NDST3: variants seen among roughly 807,000 people sequenced by gnomAD.
The protein encoded by NDST3 is N-deacetylase and N-sulfotransferase 3.
NDST3 carries 58 observed loss-of-function variants against 96.1 expected under a neutral mutation model. The ratio of observed to expected loss-of-function variants is 0.60; its 90% confidence interval spans 0.49 to 0.75. NDST3 has a LOEUF of 0.75. Among genes scored for constraint, NDST3 ranks in the 30% least tolerant of loss-of-function variants. The pLI, the probability that NDST3 is intolerant of heterozygous loss-of-function variation, is 0.00. For missense variants in NDST3, 788 were observed against 1,034.2 expected, an observed-to-expected ratio of 0.76 and a Z score of 3.27; for synonymous variants, 333 against 359.7, an observed-to-expected ratio of 0.93 and a Z score of 0.84.
At chr4:118,225,093 C>T (rs556454139) in intron 7 of NDST3, among the ~76,000 whole-genome samples, 1 of 152,274 alleles carries the variant, frequency 6.6e-6, no homozygotes, top group East Asian at 1.9e-4. Context: ...TGACATCTGC[C>T]TTCTGAACCA....
chr4:118,105,307 T>C (rs965947307), intron 3 of NDST3, among the ~76,000 whole-genome samples: 1 of 152,288 alleles, frequency 6.6e-6, no homozygotes, highest in Admixed American at 6.5e-5. Context: ...TGATGGCCTT[T>C]CATTTTTATT....
At chr4:118,242,611 A>G (rs1741076851) in intron 12 of NDST3, among the ~76,000 whole-genome samples, 1 of 152,148 alleles carries the variant, frequency 6.6e-6, no homozygotes, top group African/African-American at 2.4e-5. Context: ...GCAGAGAGAG[A>G]TGTACTATTA....
chr4:118,243,090 T>G (rs894760897), intron 12 of NDST3, among the ~76,000 whole-genome samples: 3 of 139,284 alleles, frequency 2.2e-5, no homozygotes, highest in East Asian at 2.0e-4. Context: ...CGTAAGTTGG[T>G]TTTTTTTTAA....
intron 1 of NDST3, among the ~76,000 whole-genome samples, chr4:118,047,004 T>A (rs756557446): frequency 5.3e-5 from 8 of 152,010 alleles, no homozygotes; most frequent in Non-Finnish European, 8.8e-5. Flanking sequence ...GGTGAGGAGG[T>A]CACCTCTCTC....
At chr4:118,213,548 T>G (rs1378380630) in intron 6 of NDST3, among the ~76,000 whole-genome samples, 2 of 151,822 alleles carry the variant, frequency 1.3e-5, no homozygotes, top group East Asian at 3.9e-4. Context: ...TGATAATTAA[T>G]AAGATAAATT....
intron 1 of NDST3, among the ~76,000 whole-genome samples, chr4:118,047,139 C>T (rs962451722): frequency 2.0e-5 from 3 of 152,194 alleles, no homozygotes; most frequent in African/African-American, 7.2e-5. Flanking sequence ...CAAACTACCA[C>T]GCCAAAAATA....
In NDST3 at chr4:118,207,994, T is replaced by C. The variant is rs761086604; in HGVS notation, c.1540-16497T>C. Among the ~76,000 whole-genome samples, 20 of 144,502 alleles carry C rather than the reference T, an allele frequency of 1.4e-4. 3 individuals carry two copies. Among genetic ancestry groups the C allele is most frequent in the Non-Finnish European group, 2.6e-4 (17 of 65,224 alleles). The allele number at this position is 144,502 out of a possible 152,430, so 94.8% of individuals were successfully genotyped here. A position where few individuals can be genotyped will look rare whatever the true frequency, so the allele number is the denominator to read the frequency against. On this transcript the variant is annotated intron_variant, in intron 6 of 13. Transcript: ENST00000296499. ...GGTTAACATTTTTAGAAAGGAAACA[T>C]TTATAAACCCTAGTTCTTTTTAACA...
At chr4:118,174,005 A>G (rs931329298) in intron 6 of NDST3, among the ~76,000 whole-genome samples, 1 of 152,228 alleles carries the variant, frequency 6.6e-6, no homozygotes, top group Non-Finnish European at 1.5e-5. Context: ...ACTTTGCAAC[A>G]TTTCACTAGA....
intron 2 of NDST3, among the ~76,000 whole-genome samples, chr4:118,083,696 A>C (rs1728198046): frequency 6.6e-6 from 1 of 152,158 alleles, no homozygotes; most frequent in African/African-American, 2.4e-5. Context: ...TATGTGACCT[A>C]GTGCTTTCAT....
chr4:118,219,457 A>C (rs904993639), intron 6 of NDST3, among the ~76,000 whole-genome samples: 1 of 152,210 alleles, frequency 6.6e-6, no homozygotes, highest in African/African-American at 2.4e-5. Context: ...TCTCTATTTA[A>C]TAAATGGTGC....
chr4:118,205,696 T>G (rs1738391841), intron 6 of NDST3, among the ~76,000 whole-genome samples: 1 of 144,772 alleles, frequency 6.9e-6, no homozygotes, highest in Non-Finnish European at 1.5e-5. Flanking sequence ...GACCTGAGAT[T>G]AAATCCTGAT....
chr4:118,115,366 A>T (rs1212896773), intron 4 of NDST3, among the ~76,000 whole-genome samples: 1 of 152,232 alleles, frequency 6.6e-6, no homozygotes, highest in Non-Finnish European at 1.5e-5. Context: ...TCAAAGAAAT[A>T]AGTATCACTG....
intron 2 of NDST3, among the ~76,000 whole-genome samples, chr4:118,096,588 G>A (rs1457768723): frequency 1.3e-5 from 2 of 151,462 alleles, no homozygotes; most frequent in African/African-American, 2.4e-5. Flanking sequence ...AAAGATAGAC[G>A]GATAGACAGA....
At chr4:118,050,861 A>G (rs1725034125) in intron 1 of NDST3, among the ~76,000 whole-genome samples, 2 of 151,982 alleles carry the variant, frequency 1.3e-5, no homozygotes, top group Non-Finnish European at 2.9e-5. Context: ...AAATAAATAT[A>G]AAAAAACTGT....
rs1342874497 is a variant in NDST3 at position 118,238,207 on chromosome 4, GAAAGAAAGAAAGAAAGAAAA to G, written c.2118+989_2118+1008del. Reference sequence around the variant, plus strand: ...AGAAAGAAAGAAAGAAAGAAAGAAAGAAAGAAAGAAAGAAAGAAAAAGAAAGAAGAAAAAAAGAAAGAAAA... The same window carrying G: ...AGAAAGAAAGAAAGAAAGAAAGAAAGAGAAAGAAGAAAAAAAGAAAGAAAA... On this transcript the variant is annotated intron_variant, in intron 10 of 13. Transcript: ENST00000296499. 3.2e-3 allele frequency among the ~76,000 whole-genome samples: 437 copies of G among 135,680 alleles called. 2 individuals carry two copies. The highest frequency in any genetic ancestry group is 9.9e-3 in the African/African-American group (346 of 34,912). 89.0% of individuals were successfully genotyped at this position (135,680 alleles called of 152,430 possible). A position where few individuals can be genotyped will look rare whatever the true frequency, so the allele number is the denominator to read the frequency against.
intron 2 of NDST3, among the ~76,000 whole-genome samples, chr4:118,062,725 T>A (rs1037993341): frequency 2.6e-5 from 4 of 152,184 alleles, no homozygotes; most frequent in Admixed American, 1.3e-4. Flanking sequence ...TATATTGTAT[T>A]AAATTTGTTG....
intron 6 of NDST3, among the ~76,000 whole-genome samples, chr4:118,184,585 GTC>G (rs144222344): frequency 6.8e-5 from 8 of 117,352 alleles, no homozygotes; most frequent in Non-Finnish European, 9.2e-5. Context: ...GTCTCCCTTT[GTC>G]TCTCTCTCTC....
intron 13 of NDST3, among the ~76,000 whole-genome samples, chr4:118,254,878 AAGAG>A (rs903680171): frequency 4.6e-5 from 7 of 152,026 alleles, no homozygotes; most frequent in South Asian, 2.1e-4. Flanking sequence ...TCATATACGG[AAGAG>A]AGAGAGAGTT....
At chr4:118,080,383 T>G (rs900494107) in intron 2 of NDST3, among the ~76,000 whole-genome samples, 6 of 152,100 alleles carry the variant, frequency 3.9e-5, no homozygotes, top group Non-Finnish European at 7.3e-5. Context: ...TTCCTGCCAC[T>G]GGATAAAATC....
Sources: allele counts gnomAD v4.1 joint callset (sites outside exome capture counted in the v4.1 genomes callset), GRCh38; gene constraint gnomAD v4.1.1; transcripts MANE v1.5; gene names NCBI Gene and HGNC (gene_info 2026-07-23, HGNC 2026-07-21).